Variants in COA1 observed in about 807,000 individuals in gnomAD.
COA1 encodes cytochrome c oxidase assembly factor 1 homolog.
In COA1, 13 loss-of-function variants were observed where a neutral mutation model predicts 16.0. That is an observed-to-expected ratio of 0.81 (90% CI 0.53 to 1.29). The LOEUF (loss-of-function observed/expected upper bound fraction) is 1.29, where lower values mean the gene tolerates loss of function less well. Ranked by LOEUF, COA1 falls within the 50% of genes most tolerant of loss-of-function variation. The pLI is 0.00. For missense variants in COA1, 179 were observed against 177.0 expected, an observed-to-expected ratio of 1.01 and a Z score of -0.06; for synonymous variants, 65 against 65.7, an observed-to-expected ratio of 0.99 and a Z score of 0.05.
chr7:43,652,540 C>T (rs1320461765), intron 1 of COA1, among the ~76,000 whole-genome samples: 1 of 152,214 alleles, frequency 6.6e-6, no homozygotes, highest in Non-Finnish European at 1.5e-5. Context: ...ATCTGTCTGA[C>T]TCCAGAGGGC....
chr7:43,623,824 G>T (rs3779062), intron 6 of COA1: 2 of 1,601,776 alleles, frequency 1.2e-6, no homozygotes, highest in South Asian at 2.3e-5. Flanking sequence ...TTCTGAGGAA[G>T]AATTTGATGT....
At chr7:43,717,694 G>A (rs928137983) in intron 1 of COA1, among the ~76,000 whole-genome samples, 7 of 151,258 alleles carry the variant, frequency 4.6e-5, no homozygotes, top group South Asian at 2.2e-4. Flanking sequence ...GGCAGGGGCC[G>A]GGGGGGGAAC....
At chr7:43,703,138 T>C (rs1188665209) in intron 1 of COA1, among the ~76,000 whole-genome samples, 4 of 152,182 alleles carry the variant, frequency 2.6e-5, no homozygotes, top group Admixed American at 2.6e-4. Context: ...TTCCATGTAA[T>C]TGTATGGTTT....
At chr7:43,709,434 T>TTTTGTGTG (rs367934295) in intron 1 of COA1, among the ~76,000 whole-genome samples, 2 of 144,894 alleles carry the variant, frequency 1.4e-5, no homozygotes, top group East Asian at 4.1e-4. Context: ...CTTTGTTTTA[T>TTTTGTGTG]TGTGTGTGTG....
intron 1 of COA1, among the ~76,000 whole-genome samples, chr7:43,672,472 T>C (rs181473764): frequency 6.6e-6 from 1 of 152,116 alleles, no homozygotes; most frequent in Non-Finnish European, 1.5e-5. Flanking sequence ...CATCCCTTCA[T>C]ATTAAAAACC....
At chr7:43,661,636 C>CAA (rs200678255) in intron 1 of COA1, among the ~76,000 whole-genome samples, 73,666 of 132,802 alleles carry the variant, frequency 0.55, 20,230 homozygotes, top group African/African-American at 0.7. Context: ...GACTCCATCT[C>CAA]AAAAAAAAAA....
intron 6 of COA1, among the ~76,000 whole-genome samples, chr7:43,621,932 T>A (rs2083935268): frequency 6.6e-6 from 1 of 152,218 alleles, no homozygotes; most frequent in Non-Finnish European, 1.5e-5. Context: ...GAAACTGGTG[T>A]GAGTTCTGGC....
At chr7:43,718,700 A>C (rs986495281) in intron 1 of COA1, among the ~76,000 whole-genome samples, 1 of 152,090 alleles carries the variant, frequency 6.6e-6, no homozygotes. Context: ...TGTCTTTTGC[A>C]CCTCAATTTT....
At chr7:43,631,387 G>C (rs2085158529) in intron 6 of COA1, 1 of 152,222 alleles carries the variant, frequency 6.6e-6, no homozygotes, top group Non-Finnish European at 1.5e-5. Context: ...CACCATGCCT[G>C]GCTAATTTTT....
intron 6 of COA1, among the ~76,000 whole-genome samples, chr7:43,617,891 G>A (rs1027256068): frequency 6.6e-6 from 1 of 152,190 alleles, no homozygotes; most frequent in Non-Finnish European, 1.5e-5. Context: ...GAGATAGGAA[G>A]AAAGCCAGGA....
intron 1 of COA1, among the ~76,000 whole-genome samples, chr7:43,721,589 A>G (rs1242499676): frequency 1.3e-5 from 2 of 152,178 alleles, no homozygotes; most frequent in African/African-American, 4.8e-5. Context: ...TTCCCACAAT[A>G]AAAACACAAA....
intron 1 of COA1, among the ~76,000 whole-genome samples, chr7:43,687,856 C>T (rs1236069066): frequency 2.0e-5 from 3 of 151,974 alleles, no homozygotes; most frequent in Non-Finnish European, 4.4e-5. Context: ...TATGGTTTGG[C>T]TGTGTCCCCA....
intron 6 of COA1, among the ~76,000 whole-genome samples, chr7:43,610,180 A>G (rs558173115): frequency 6.6e-6 from 1 of 151,724 alleles, no homozygotes; most frequent in African/African-American, 2.4e-5. Context: ...CCCTGTCTGT[A>G]GTAAAAATAC....
At chr7:43,622,081 C>T (rs1304969696) in intron 6 of COA1, among the ~76,000 whole-genome samples, 5 of 152,076 alleles carry the variant, frequency 3.3e-5, no homozygotes, top group Non-Finnish European at 5.9e-5. Flanking sequence ...TGTACAAAGC[C>T]CTTAAACCAG....
At chr7:43,710,412 A>T (rs889606323) in intron 1 of COA1, among the ~76,000 whole-genome samples, 1 of 142,596 alleles carries the variant, frequency 7.0e-6, no homozygotes, top group Non-Finnish European at 1.5e-5. Flanking sequence ...GATATGTCCT[A>T]AACAGTTGAT....
rs151208322 is a variant in COA1, at chr7:43,628,030, A to T, written c.*133+11419T>A. Reference sequence around the variant, plus strand: ...GACTGGAGTTTTGCTCTTGTTGCCCAGGCTGGAGTGCAATGGTGGGATCTT... The same window carrying T: ...GACTGGAGTTTTGCTCTTGTTGCCCTGGCTGGAGTGCAATGGTGGGATCTT... On this transcript the variant is annotated intron_variant and NMD_transcript_variant, in intron 6 of 6. Transcript: ENST00000415076. 3.5e-3 allele frequency among the ~76,000 whole-genome samples: 539 copies of T among 152,272 alleles called. 4 individuals carry two copies. Among genetic ancestry groups the T allele is most frequent in the African/African-American group, 0.012 (506 of 41,548 alleles).
chr7:43,637,468 G>A (rs2086092340), downstream of COA1, among the ~76,000 whole-genome samples: 1 of 152,058 alleles, frequency 6.6e-6, no homozygotes, highest in Non-Finnish European at 1.5e-5. Flanking sequence ...GATGTACTGG[G>A]GGCCCTTCCT....
intron 1 of COA1, 23 bp from the exon 2 acceptor site, chr7:43,648,675 A>T (rs1253118207): frequency 2.0e-5 from 31 of 1,561,762 alleles, no homozygotes; most frequent in Admixed American, 1.2e-4. Context: ...AAGATTTTAC[A>T]TTAAAATCAT....
At chr7:43,625,588 A>T (rs1040898536) in intron 6 of COA1, 10 of 152,182 alleles carry the variant, frequency 6.6e-5, no homozygotes, top group Non-Finnish European at 1.2e-4. Context: ...GTTCTCTCTC[A>T]CACTCTATAC....
Sources: gnomAD v4.1 joint callset for allele counts (sites outside exome capture counted in the v4.1 genomes callset) on GRCh38, gnomAD v4.1.1 for gene constraint, MANE v1.5 for transcripts, NCBI Gene and HGNC (gene_info 2026-07-23, HGNC 2026-07-21) for gene names.